Variants in TRAF3IP1 observed in about 807,000 individuals in gnomAD.
TRAF3IP1 encodes the protein TRAF3-interacting protein 1.
A neutral mutation model predicts 89.9 loss-of-function variants in TRAF3IP1; 53 were observed. The ratio of observed to expected loss-of-function variants is 0.59; its 90% confidence interval spans 0.47 to 0.74. TRAF3IP1 has a LOEUF of 0.74. Among genes scored for constraint, TRAF3IP1 ranks in the 30% least tolerant of loss-of-function variants. The pLI is 0.00. For synonymous variants in TRAF3IP1, 311 were observed against 322.1 expected, an observed-to-expected ratio of 0.97 and a Z score of 0.37; for missense variants, 806 against 866.1, an observed-to-expected ratio of 0.93 and a Z score of 0.87.
chr2:238,327,010 C>T lies in TRAF3IP1; in HGVS notation c.354+1040C>T, dbSNP rs375854857. 1.2e-4 allele frequency among the ~76,000 whole-genome samples: 18 copies of T among 152,348 alleles called. No individual in the cohort carries two copies. The East Asian group carries it at 1.9e-3, about 16-fold the overall frequency. ...CCTGTCTCCTCTGCTGAATCATCTC[C>T]GGCTTCCAGTAGCCTCGGGTCTGGG... On this transcript the variant is annotated intron_variant, in intron 3 of 16. Coordinates refer to ENST00000373327, the MANE Select transcript of TRAF3IP1 (RefSeq NM_015650.4).
intron 10 of TRAF3IP1, among the ~76,000 whole-genome samples, chr2:238,347,762 G>A (rs1698962977): frequency 1.3e-5 from 2 of 151,838 alleles, no homozygotes; most frequent in Admixed American, 6.6e-5. Context: ...TGAGTAGCTG[G>A]GATTACAGGC....
At chr2:238,325,670 A>T (rs970733240) in intron 2 of TRAF3IP1, 139 bp from the exon 3 acceptor site, 2 of 860,352 alleles carry the variant, frequency 2.3e-6, no homozygotes, top group Admixed American at 3.0e-5. Context: ...GTAAAAGGTC[A>T]GTATTTCTAG....
At chr2:238,375,873 T>C (rs1294387263) in intron 15 of TRAF3IP1, among the ~76,000 whole-genome samples, 2 of 152,106 alleles carry the variant, frequency 1.3e-5, no homozygotes, top group Admixed American at 6.5e-5. Context: ...CCACCTGGAG[T>C]TGATTTTCCT....
In TRAF3IP1 at chr2:238,343,155, C is replaced by T. The variant is rs915432764; in HGVS notation, c.1160-1342C>T. Among the ~76,000 whole-genome samples, 9 of 151,552 alleles carry T rather than the reference C, an allele frequency of 5.9e-5. No individual in the cohort carries two copies. The East Asian group carries it at 7.8e-4, about 13-fold the overall frequency. ...AGGCTGGAGTGCAGTGGCACGATCT[C>T]GCTCACTGCAACCTCTGCTTCCCGG... On this transcript the variant is annotated intron_variant, in intron 8 of 16. Transcript: ENST00000373327.
rs1191023946 is a variant in TRAF3IP1 at position 238,345,982 on chromosome 2, G to T, written c.1261+1384G>T. On this transcript the variant is annotated intron_variant, in intron 9 of 16. Transcript: ENST00000373327. This position sits in a 1 kb window ranked among gnomAD's most constrained non-coding sequence, Gnocchi z 4.7. The stretch of plus-strand genomic sequence containing the variant: ...TTCACTGTGCTGACTTTCCTTCTGG[G>T]TATCGGCCTTGTGGTTGAATAACTG... Among the ~76,000 whole-genome samples, 5 of 152,112 alleles carry T rather than the reference G, an allele frequency of 3.3e-5. No individual in the cohort carries two copies. In the East Asian group the frequency reaches 9.6e-4, roughly 29 times the overall value.
Position 238,325,394 on chromosome 2 carries a change from C to G in TRAF3IP1, c.192+20C>G, listed in dbSNP as rs1159276285. On this transcript the variant is annotated intron_variant, in intron 2 of 16. Coordinates refer to ENST00000373327, the MANE Select transcript of TRAF3IP1 (RefSeq NM_015650.4). ...GTGAAGGTGGGTTTGAGTCGGGCTTCTCCTATTGACTCCTCGCCTTAACGG... is the reference window on the plus strand; with the variant it reads ...GTGAAGGTGGGTTTGAGTCGGGCTTGTCCTATTGACTCCTCGCCTTAACGG... The G allele has an allele frequency of 6.2e-7, 1 of 1,613,254 alleles. No homozygotes were observed. Among genetic ancestry groups the G allele is most frequent in the East Asian group, 2.2e-5 (1 of 44,902 alleles).
At position 238,320,567 on chromosome 2, in the gene TRAF3IP1, C is replaced by T. The variant is rs1395051070; in HGVS notation, c.-96C>T. 8 of 1,041,878 alleles carry T rather than the reference C, an allele frequency of 7.7e-6. No homozygotes were observed. The Admixed American group carries it at 2.8e-4, about 37-fold the overall frequency. The allele number at this position is 1,041,878 out of a possible 1,614,324, so 64.5% of individuals were successfully genotyped here. On this transcript the variant is annotated 5_prime_UTR_variant, in exon 1 of 17. Coordinates refer to ENST00000373327, the MANE Select transcript of TRAF3IP1 (RefSeq NM_015650.4). ...GGCGCGTCCTGGCAGGACCGGGCGG[C>T]GGCGGCGGCGGGGCCGGCGGCGGCC...
rs538728001 is a variant in TRAF3IP1 at position 238,384,530 on chromosome 2, G to A, written c.1690-12929G>A. Among the ~76,000 whole-genome samples, 76 of 145,114 alleles carry A rather than the reference G, an allele frequency of 5.2e-4. 1 individual carries two copies. In the East Asian group the frequency reaches 0.012, roughly 22 times the overall value. ...TGGGATTACAGATGCATGCCACCCC[G>A]CCTGGCTAATTTTTTTTTTTTTTTT... On this transcript the variant is annotated intron_variant, in intron 15 of 16. Transcript: ENST00000373327.
At chr2:238,362,163 C>T (rs1284193326) in intron 15 of TRAF3IP1, among the ~76,000 whole-genome samples, 1 of 152,240 alleles carries the variant, frequency 6.6e-6, no homozygotes, top group Non-Finnish European at 1.5e-5. Flanking sequence ...GCCAGTCCCC[C>T]TTCTCTCTGT....
rs774276391 is a variant in TRAF3IP1, at chr2:238,353,175, A to G, written c.1578A>G (p.Val526=). 6.2e-7 allele frequency: 1 copy of G among 1,614,216 alleles called. No homozygotes were observed. Among genetic ancestry groups the G allele is most frequent in the South Asian group, 1.1e-5 (1 of 91,086 alleles). Residue 526 remains valine, a splice_region_variant and synonymous_variant, in exon 14 of 17, where the codon GTA becomes GTG. Coordinates refer to ENST00000373327, the MANE Select transcript of TRAF3IP1 (RefSeq NM_015650.4). ...QLSEMSEIEM[V]TAVELEEEEK... Reference sequence around the variant, plus strand: ...TTCCCCCTTCCTTTCCTGCTCAGGTAACAGCAGTGGAACTAGAAGAAGAGG... The same window carrying G: ...TTCCCCCTTCCTTTCCTGCTCAGGTGACAGCAGTGGAACTAGAAGAAGAGG...
At chr2:238,322,736 A>G (rs1697617198) in intron 1 of TRAF3IP1, among the ~76,000 whole-genome samples, 1 of 146,342 alleles carries the variant, frequency 6.8e-6, no homozygotes, top group Admixed American at 6.8e-5. Context: ...TTGGCCAGGT[A>G]GATAGGGTGT....
At chr2:238,330,013 G>A (rs1040654734) in intron 5 of TRAF3IP1, among the ~76,000 whole-genome samples, 6 of 152,208 alleles carry the variant, frequency 3.9e-5, no homozygotes, top group East Asian at 1.9e-4. Context: ...AGTTGCTCTT[G>A]TCCTTGTCTT....
chr2:238,374,108 T>C (rs1053339760), intron 15 of TRAF3IP1, among the ~76,000 whole-genome samples: 5 of 152,328 alleles, frequency 3.3e-5, no homozygotes, highest in African/African-American at 9.6e-5. Flanking sequence ...ATTTCCTAAT[T>C]GAATACCCTT....
At chr2:238,374,790 A>T (rs1046918413) in intron 15 of TRAF3IP1, among the ~76,000 whole-genome samples, 1 of 152,216 alleles carries the variant, frequency 6.6e-6, no homozygotes, top group African/African-American at 2.4e-5. Context: ...GCTATTAATT[A>T]TTGCCTTAAT....
chr2:238,337,855 C>A (rs906670493), intron 7 of TRAF3IP1, among the ~76,000 whole-genome samples: 2 of 152,044 alleles, frequency 1.3e-5, no homozygotes, highest in African/African-American at 2.4e-5. Flanking sequence ...TATGGACCAA[C>A]CAAGTAGAAA....
chr2:238,356,608 G>A (rs988303747), intron 15 of TRAF3IP1, among the ~76,000 whole-genome samples: 1 of 152,052 alleles, frequency 6.6e-6, no homozygotes, highest in South Asian at 2.1e-4. Context: ...GTCTTGGGAG[G>A]GGGCAGCGGC....
At position 238,347,456 on chromosome 2, in the gene TRAF3IP1, T is replaced by G; in HGVS notation, c.1263T>G (p.Gly421=). The change falls in exon 10 of 17, where the codon GGT becomes GGG. Residue 421 remains glycine (G), a splice_region_variant and synonymous_variant. Transcript: ENST00000373327. The part of the protein sequence containing the change: ...IQPNPTEKQK[G]DSTSDAEGDA... ...TTTTCTGATGTGCTTTTTCTTTAGG[T>G]GACTCCACCAGTGATGCAGGTGAGG... 1 of 1,614,138 alleles carries G rather than the reference T, an allele frequency of 6.2e-7. No individual in the cohort carries two copies. Among genetic ancestry groups the G allele is most frequent in the South Asian group, 1.1e-5 (1 of 91,086 alleles).
At chr2:238,342,289 G>A (rs573721906) in intron 8 of TRAF3IP1, among the ~76,000 whole-genome samples, 11 of 152,174 alleles carry the variant, frequency 7.2e-5, no homozygotes, top group East Asian at 3.9e-4. Context: ...GCTCCTGGCC[G>A]TCATTTTCAT....
chr2:238,396,255 C>T (rs976075332), intron 15 of TRAF3IP1, among the ~76,000 whole-genome samples: 1 of 151,756 alleles, frequency 6.6e-6, no homozygotes, highest in African/African-American at 2.4e-5. Flanking sequence ...TAGAAACCAT[C>T]ATTCTCAGCA....
Sources: gnomAD v4.1 joint callset for allele counts (sites outside exome capture counted in the v4.1 genomes callset) on GRCh38, gnomAD v4.1.1 for gene constraint, Gnocchi (gnomAD v3.1) non-coding constraint, MANE v1.5 for transcripts, NCBI Gene and HGNC (gene_info 2026-07-23, HGNC 2026-07-21) for gene names.